Variants in CCDC158 observed in about 807,000 individuals in gnomAD.
CCDC158 encodes the protein coiled-coil domain containing 158, also known as coiled-coil domain-containing protein 158.
A neutral mutation model predicts 138.6 loss-of-function variants in CCDC158; 116 were observed. The ratio of observed to expected loss-of-function variants is 0.84; its 90% CI spans 0.72 to 0.98. The LOEUF is 0.98. Ranked by LOEUF, CCDC158 falls within the 50% of genes least tolerant of loss-of-function variation. CCDC158 has a pLI of 0.00. For missense variants in CCDC158, 1,265 were observed against 1,306.1 expected, an observed-to-expected ratio of 0.97 and a Z score of 0.48; for synonymous variants, 436 against 442.4, an observed-to-expected ratio of 0.99 and a Z score of 0.18.
At chr4:76,370,080 G>T (rs1725091444) in intron 10 of CCDC158, among the ~76,000 whole-genome samples, 1 of 152,160 alleles carries the variant, frequency 6.6e-6, no homozygotes, top group Non-Finnish European at 1.5e-5. Flanking sequence ...GCTGTGAATA[G>T]AATTACCTCC....
At chr4:76,418,292 G>C (rs1729855576) in intron 1 of CCDC158, among the ~76,000 whole-genome samples, 1 of 152,162 alleles carries the variant, frequency 6.6e-6, no homozygotes, top group Non-Finnish European at 1.5e-5. Flanking sequence ...GACTACAGAA[G>C]GGTACAAGGC....
At chr4:76,397,111 T>G (rs1030078684) in intron 3 of CCDC158, among the ~76,000 whole-genome samples, 2 of 152,138 alleles carry the variant, frequency 1.3e-5, no homozygotes, top group South Asian at 2.1e-4. Flanking sequence ...TTCGATATTC[T>G]TCCCTTGAGG....
intron 3 of CCDC158, chr4:76,401,162 G>T (rs1728348344): frequency 3.6e-6 from 1 of 280,230 alleles, no homozygotes; most frequent in Non-Finnish European, 7.1e-6. Context: ...CAGAAAATAG[G>T]TGTACTCTAG....
chr4:76,399,981 T>C (rs916270287), intron 3 of CCDC158, among the ~76,000 whole-genome samples: 3 of 152,024 alleles, frequency 2.0e-5, no homozygotes, highest in African/African-American at 7.2e-5. Flanking sequence ...GCCTTCAGCA[T>C]AGGATATGAG....
In CCDC158 at chr4:76,374,582, C is replaced by T. The variant is rs1014909652; in HGVS notation, c.1030-3046G>A. Among the ~76,000 whole-genome samples, 5 of 152,078 alleles carry T rather than the reference C, an allele frequency of 3.3e-5. No individual in the cohort carries two copies. In the East Asian group the frequency reaches 9.6e-4, roughly 29 times the overall value. ...TTCCTTTCAATTCTAATACTTTATT[C>T]CACAAGAACAGTATTAATAAAGCTG... On this transcript the variant is annotated intron_variant, in intron 9 of 24. Coordinates refer to ENST00000682701, the MANE Select transcript of CCDC158 (RefSeq NM_001394954.1).
chr4:76,337,205 G>A (rs2110120086), intron 18 of CCDC158, among the ~76,000 whole-genome samples: 1 of 152,170 alleles, frequency 6.6e-6, no homozygotes, highest in Non-Finnish European at 1.5e-5. Flanking sequence ...GGCCAGGCTG[G>A]TGTCCAATTC....
rs561821794 is a variant in CCDC158 at position 76,417,589 on chromosome 4, T to C, written c.-117+3376A>G. On this transcript the variant is annotated intron_variant, in intron 1 of 24. Coordinates refer to ENST00000682701, the MANE Select transcript of CCDC158 (RefSeq NM_001394954.1). ...AGGTAATTTTCTCTTGCTGCCGCCA[T>C]GTAAGAAGTGCCTTTTGCCTCCCAC... 5.2e-5 allele frequency among the ~76,000 whole-genome samples: 7 copies of C among 135,438 alleles called. No individual in the cohort carries two copies. In the South Asian group the frequency reaches 1.3e-3, roughly 25 times the overall value. The allele number at this position is 135,438 out of a possible 152,430, so 88.9% of individuals were successfully genotyped here. A position where few individuals can be genotyped will look rare whatever the true frequency, so the allele number is the denominator to read the frequency against.
At chr4:76,326,807 A>C (rs995810579) in intron 22 of CCDC158, among the ~76,000 whole-genome samples, 3 of 152,194 alleles carry the variant, frequency 2.0e-5, no homozygotes, top group Admixed American at 1.3e-4. Flanking sequence ...TTCAAAAATT[A>C]GGATGAAATA....
At chr4:76,332,543 A>G in intron 19 of CCDC158, 52 bp from the exon 20 acceptor site, 2 of 1,379,460 alleles carry the variant, frequency 1.4e-6, no homozygotes, top group Admixed American at 2.0e-5. Context: ...AATTTCATCC[A>G]TGTCTTTTTT....
intron 18 of CCDC158, among the ~76,000 whole-genome samples, chr4:76,342,081 T>C (rs1022754629): frequency 6.6e-6 from 1 of 152,186 alleles, no homozygotes; most frequent in Non-Finnish European, 1.5e-5. Flanking sequence ...TTATTATTTT[T>C]TTTTTGAGAG....
intron 24 of CCDC158, among the ~76,000 whole-genome samples, chr4:76,322,961 T>C (rs1462902282): frequency 6.6e-6 from 1 of 152,186 alleles, no homozygotes; most frequent in African/African-American, 2.4e-5. Context: ...TATTATTGTA[T>C]AAATGTTTAT....
At chr4:76,413,381 G>A (rs1047811343) in intron 1 of CCDC158, among the ~76,000 whole-genome samples, 1 of 151,122 alleles carries the variant, frequency 6.6e-6, no homozygotes, top group Non-Finnish European at 1.5e-5. Flanking sequence ...AGGCCGAGGT[G>A]GGAGTATAAC....
chr4:76,319,409 G>T, intron 24 of CCDC158, among the ~76,000 whole-genome samples: 1 of 115,722 alleles, frequency 8.6e-6, no homozygotes, highest in East Asian at 2.7e-4. Context: ...CTCCAGCCTG[G>T]GTGACAGAGC....
At chr4:76,334,774 G>C (rs1051715909) in intron 18 of CCDC158, among the ~76,000 whole-genome samples, 1 of 152,176 alleles carries the variant, frequency 6.6e-6, no homozygotes, top group Non-Finnish European at 1.5e-5. Context: ...AATGATCAGA[G>C]TGCACTGGTG....
In CCDC158 at chr4:76,375,627, G is replaced by A. The variant is rs7685108; in HGVS notation, c.1029+3663C>T. 9.5e-3 allele frequency: 6,658 copies of A among 702,648 alleles called. 304 individuals are homozygous for A. The African/African-American group carries it at 0.1, about 11-fold the overall frequency. 43.5% of individuals were successfully genotyped at this position (702,648 alleles called of 1,614,324 possible). ...TTGTTGTCAAAAAGCGAAAGTTAAG[G>A]GTAAAGCCAAATCTACAGAGCCAAT... On this transcript the variant is annotated intron_variant, in intron 9 of 24. Transcript: ENST00000682701.
intron 13 of CCDC158, among the ~76,000 whole-genome samples, chr4:76,358,432 C>A (rs193043388): frequency 6.6e-5 from 10 of 152,302 alleles, no homozygotes; most frequent in African/African-American, 2.4e-4. Flanking sequence ...CTGACACAGT[C>A]CATCTAAAAT....
Position 76,323,270 on chromosome 4 carries a change from G to A in CCDC158, c.3277+32C>T, listed in dbSNP as rs367816199. On this transcript the variant is annotated intron_variant, in intron 24 of 24. Transcript: ENST00000682701. ...AAAGAAGGTGAACATTCTCATGAGCGAGGAAGATCTCTCCAAAAACGTACA... is the reference window on the plus strand; with the variant it reads ...AAAGAAGGTGAACATTCTCATGAGCAAGGAAGATCTCTCCAAAAACGTACA... 9 of 1,462,470 alleles carry A rather than the reference G, an allele frequency of 6.2e-6. No homozygotes were observed. The East Asian group carries it at 6.8e-5, about 11-fold the overall frequency. The allele number at this position is 1,462,470 out of a possible 1,614,324, so 90.6% of individuals were successfully genotyped here.
Position 76,396,294 on chromosome 4 carries a change from T to C in CCDC158, c.263A>G (p.Lys88Arg). 6.2e-7 allele frequency: 1 copy of C among 1,613,336 alleles called. No homozygotes were observed. Among genetic ancestry groups the C allele is most frequent in the Non-Finnish European group, 8.5e-7 (1 of 1,179,688 alleles). The change falls in exon 4 of 25, where the codon AAA becomes AGA. Residue 88 changes from lysine to arginine, a missense_variant. Physicochemically the swap from Lys to Arg is conservative, Grantham distance 26. Coordinates refer to ENST00000682701, the MANE Select transcript of CCDC158 (RefSeq NM_001394954.1). The stretch of plus-strand genomic sequence containing the variant: ...TTCATTTAGTCTTCTCTGTAAATCT[T>C]TGACTTGATGTGAATATTCTTCCAA... ...RVLEEYSHQV[K>R]DLQRRLNESN...
intron 19 of CCDC158, among the ~76,000 whole-genome samples, 196 bp from the exon 20 acceptor site, chr4:76,332,687 A>C (rs1721109601): frequency 6.6e-6 from 1 of 152,180 alleles, no homozygotes; most frequent in Non-Finnish European, 1.5e-5. Context: ...GAATTCTTAA[A>C]AGCTTTACGC....
Sources: allele counts gnomAD v4.1 joint callset (sites outside exome capture counted in the v4.1 genomes callset), GRCh38; gene constraint gnomAD v4.1.1; transcripts MANE v1.5; gene names NCBI Gene and HGNC (gene_info 2026-07-23, HGNC 2026-07-21).